PPP6R3: variants seen among roughly 807,000 people sequenced by gnomAD.
PPP6R3 encodes serine/threonine-protein phosphatase 6 regulatory subunit 3.
In PPP6R3, 38 loss-of-function variants were observed where a neutral mutation model predicts 110.7. That is an observed-to-expected ratio of 0.34 (90% confidence interval 0.26 to 0.45). The LOEUF (loss-of-function observed/expected upper bound fraction) is 0.45, where lower values mean the gene tolerates loss of function less well. Among genes scored for constraint, PPP6R3 ranks in the 20% least tolerant of loss-of-function variants. PPP6R3 has a pLI of 1.00. For missense variants in PPP6R3, 870 were observed against 1,062.4 expected (o/e 0.82, Z 2.52); for synonymous variants, 369 against 373.5 (o/e 0.99, Z 0.14).
At chr11:68,538,490 A>G (rs532289856) in intron 3 of PPP6R3, among the ~76,000 whole-genome samples, 1 of 152,326 alleles carries the variant, frequency 6.6e-6, no homozygotes, top group Non-Finnish European at 1.5e-5. Context: ...TTATTTCTCC[A>G]TATCCAACTC....
At chr11:68,496,526 G>T (rs906826410) in intron 1 of PPP6R3, among the ~76,000 whole-genome samples, 21 of 152,216 alleles carry the variant, frequency 1.4e-4, no homozygotes, top group African/African-American at 3.9e-4. Context: ...AGGCTGGAGT[G>T]CAGTAGTGCA....
At chr11:68,598,595 C>T (rs899914858) in intron 19 of PPP6R3, among the ~76,000 whole-genome samples, 9 of 151,860 alleles carry the variant, frequency 5.9e-5, no homozygotes, top group African/African-American at 2.2e-4. Context: ...TACAGGGTTG[C>T]CCCAGAGAGC....
chr11:68,532,288 G>A (rs868616605), intron 2 of PPP6R3, among the ~76,000 whole-genome samples: 3 of 152,218 alleles, frequency 2.0e-5, no homozygotes, highest in Admixed American at 2.0e-4. Context: ...ATCCTATTTT[G>A]TGTATATAAG....
chr11:68,521,663 A>G (rs1164848802), intron 2 of PPP6R3, among the ~76,000 whole-genome samples: 1 of 152,218 alleles, frequency 6.6e-6, no homozygotes, highest in East Asian at 1.9e-4. Flanking sequence ...ATTTATTGCA[A>G]AGGCCAGTTA....
chr11:68,570,863 ATC>A (rs1441784347), intron 11 of PPP6R3, among the ~76,000 whole-genome samples, 175 bp from the exon 12 acceptor site: 2 of 152,040 alleles, frequency 1.3e-5, no homozygotes, highest in Admixed American at 1.3e-4. Flanking sequence ...CCTGATTTGA[ATC>A]TCTGTAGTGT....
intron 1 of PPP6R3, among the ~76,000 whole-genome samples, chr11:68,511,091 G>A (rs1180277352): frequency 1.4e-5 from 2 of 146,404 alleles, no homozygotes; most frequent in Non-Finnish European, 3.0e-5. Flanking sequence ...TTTTTGAGGC[G>A]GAGTCTCGCT....
chr11:68,523,742 A>G (rs2099178791), intron 2 of PPP6R3, among the ~76,000 whole-genome samples: 1 of 116,984 alleles, frequency 8.5e-6, no homozygotes, highest in Non-Finnish European at 1.6e-5. Flanking sequence ...CTCTTGGCCA[A>G]GAGGTGGGTG....
At chr11:68,590,742 G>A (rs768904669) in intron 17 of PPP6R3, 28 bp downstream of exon 17, 4 of 1,546,230 alleles carry the variant, frequency 2.6e-6, no homozygotes, top group Non-Finnish European at 2.6e-6. Flanking sequence ...TGTGAGCAGT[G>A]TGGCACATGA....
At chr11:68,601,390 G>A (rs1275328983) in intron 20 of PPP6R3, among the ~76,000 whole-genome samples, 1 of 152,148 alleles carries the variant, frequency 6.6e-6, no homozygotes, top group Non-Finnish European at 1.5e-5. Flanking sequence ...CAGGCATTTG[G>A]TGTTTTTTTA....
At chr11:68,474,385 T>C (rs776224833) in intron 1 of PPP6R3, among the ~76,000 whole-genome samples, 6 of 152,246 alleles carry the variant, frequency 3.9e-5, no homozygotes, top group Admixed American at 1.3e-4. Context: ...TTTGTATATC[T>C]TATTTAGAGG....
intron 6 of PPP6R3, 90 bp from the exon 7 acceptor site, chr11:68,554,055 T>C: frequency 3.0e-6 from 3 of 996,624 alleles, no homozygotes; most frequent in Non-Finnish European, 4.4e-6. Flanking sequence ...GTTAATTTGT[T>C]ATTTCTTAAA....
chr11:68,589,838 T>TG (rs1452030081), intron 16 of PPP6R3, among the ~76,000 whole-genome samples: 8 of 152,210 alleles, frequency 5.3e-5, no homozygotes, highest in African/African-American at 1.9e-4. Context: ...GGAATGGAGG[T>TG]GCCGCTGTAA....
At chr11:68,482,151 C>G (rs188499556) in intron 1 of PPP6R3, among the ~76,000 whole-genome samples, 1 of 147,364 alleles carries the variant, frequency 6.8e-6, no homozygotes, top group Admixed American at 7.0e-5. Context: ...TTTGGGAGGC[C>G]GAGGCAAGCA....
chr11:68,561,157 G>A (rs1264425844), intron 8 of PPP6R3, among the ~76,000 whole-genome samples: 2 of 152,134 alleles, frequency 1.3e-5, no homozygotes, highest in Non-Finnish European at 2.9e-5. Flanking sequence ...AAAGTGCTGG[G>A]ATTACAGGCG....
intron 1 of PPP6R3, among the ~76,000 whole-genome samples, chr11:68,471,463 C>T (rs1169680254): frequency 3.3e-5 from 5 of 151,972 alleles, no homozygotes; most frequent in Non-Finnish European, 5.9e-5. Flanking sequence ...GGACCTCTGC[C>T]AGTGCTGCTG....
intron 23 of PPP6R3, among the ~76,000 whole-genome samples, chr11:68,611,692 G>A (rs769605076): frequency 5.3e-5 from 8 of 152,166 alleles, no homozygotes; most frequent in South Asian, 2.1e-4. Flanking sequence ...AAGAAGCCAC[G>A]AAGAAGGGAC....
chr11:68,551,293 C>A, intron 6 of PPP6R3, 107 bp downstream of exon 6: 1 of 807,176 alleles, frequency 1.2e-6, no homozygotes, highest in Non-Finnish European at 2.0e-6. Context: ...TCAGAGCATA[C>A]AGGGAGAATA....
chr11:68,606,483 T>G (rs894983078), intron 22 of PPP6R3, among the ~76,000 whole-genome samples: 7 of 151,082 alleles, frequency 4.6e-5, no homozygotes, highest in Admixed American at 1.3e-4. Flanking sequence ...ATGTAGTTTT[T>G]TTTTTTTTTT....
At chr11:68,555,767 A>G (rs1320180708) in intron 7 of PPP6R3, among the ~76,000 whole-genome samples, 1 of 152,246 alleles carries the variant, frequency 6.6e-6, no homozygotes, top group Non-Finnish European at 1.5e-5. Flanking sequence ...TACATCATTA[A>G]ATTAGTTGGA....
Sources: gnomAD v4.1 joint callset for allele counts (sites outside exome capture counted in the v4.1 genomes callset) on GRCh38, gnomAD v4.1.1 for gene constraint, MANE v1.5 for transcripts, NCBI Gene and HGNC (gene_info 2026-07-23, HGNC 2026-07-21) for gene names.